Variants in CDC37L1 observed in about 807,000 individuals in gnomAD.
CDC37L1 encodes cell division cycle 37 like 1, HSP90 cochaperone.
A neutral mutation model predicts 45.9 loss-of-function variants in CDC37L1; 32 were observed. The observed-to-expected ratio is 0.70, with a 90% confidence interval of 0.53 to 0.94. The LOEUF is 0.94. Ranked by LOEUF, CDC37L1 falls within the 40% of genes least tolerant of loss-of-function variation. CDC37L1 has a pLI of 0.00. For missense variants in CDC37L1, 434 were observed against 405.7 expected (o/e 1.07, Z -0.60); for synonymous variants, 150 against 133.0 (o/e 1.13, Z -0.88).
intron 3 of CDC37L1, 92 bp from the exon 4 acceptor site, chr9:4,697,004 A>G: frequency 1.6e-6 from 1 of 644,208 alleles, no homozygotes; most frequent in Non-Finnish European, 2.8e-6. Flanking sequence ...AATACCATTG[A>G]GAGATTAATG....
rs539449143 is a variant in CDC37L1, at chr9:4,689,728, G to A, written c.508+1122G>A. On this transcript the variant is annotated intron_variant, in intron 3 of 6. Transcript: ENST00000381854. ...ATAGTAAAATCTTAAAATGAGCAGAGCCTTGAGTCATAAGGATAGAAAGCA... is the reference window on the plus strand; with the variant it reads ...ATAGTAAAATCTTAAAATGAGCAGAACCTTGAGTCATAAGGATAGAAAGCA... Among the ~76,000 whole-genome samples, 4 of 152,302 alleles carry A rather than the reference G, an allele frequency of 2.6e-5. No homozygotes were observed. In the East Asian group the frequency reaches 7.7e-4, roughly 29 times the overall value.
At chr9:4,682,669 C>T (rs1380924185) in intron 1 of CDC37L1, among the ~76,000 whole-genome samples, 3 of 151,454 alleles carry the variant, frequency 2.0e-5, no homozygotes, top group Admixed American at 6.6e-5. Flanking sequence ...AACGGGGTTT[C>T]GCCATGTTGG....
At chr9:4,689,623 G>A (rs545518746) in intron 3 of CDC37L1, among the ~76,000 whole-genome samples, 49 of 151,952 alleles carry the variant, frequency 3.2e-4, no homozygotes, top group Non-Finnish European at 6.3e-4. Context: ...AGGAAATAAA[G>A]ACAAAGTTTT....
At chr9:4,696,282 A>C in intron 3 of CDC37L1, among the ~76,000 whole-genome samples, 1 of 152,188 alleles carries the variant, frequency 6.6e-6, no homozygotes. Context: ...AGCTCTACAA[A>C]ATTTCCATGA....
chr9:4,701,883 T>G lies in CDC37L1; in HGVS notation c.767T>G (p.Phe256Cys). Reference sequence around the variant, plus strand: ...TTCTAGGCAGAGGAAGAAGGTTATTTTGAAGCATTCAAAAATGAACTTGAA... The same window carrying G: ...TTCTAGGCAGAGGAAGAAGGTTATTGTGAAGCATTCAAAAATGAACTTGAA... ...QKAKAEEEGY[F>C]EAFKNELEAF... is the part of the protein sequence containing the mutation. The change falls in exon 6 of 7, where the codon TTT (phenylalanine) becomes TGT (cysteine). Residue 256 changes from phenylalanine (F) to cysteine (C), a missense_variant. Phe to Cys is a radical substitution (Grantham distance 205). Coordinates refer to ENST00000381854, the MANE Select transcript of CDC37L1 (RefSeq NM_017913.4). 5 of 1,603,792 alleles carry G rather than the reference T, an allele frequency of 3.1e-6. No individual in the cohort carries two copies. Among genetic ancestry groups the G allele is most frequent in the Non-Finnish European group, 4.2e-6 (5 of 1,177,028 alleles).
Position 4,708,342 on chromosome 9 carries a change from A to G in CDC37L1, c.*2230A>G, listed in dbSNP as rs781399665. ...ATTTTTTTACATCAAAGTATCATCA[A>G]AGATTCTTGTTTCATTTGATAAAAT... is the stretch of plus-strand genomic sequence containing the variant. On this transcript the variant is annotated 3_prime_UTR_variant, in exon 7 of 7. Transcript: ENST00000381854. 6.6e-6 allele frequency: 1 copy of G among 152,244 alleles called. No homozygotes were observed. The highest frequency in any genetic ancestry group is 1.5e-5 in the Non-Finnish European group (1 of 68,044). The allele number at this position is 152,244 out of a possible 1,614,324, so 9.4% of individuals were successfully genotyped here. A position where few individuals can be genotyped will look rare whatever the true frequency, so the allele number is the denominator to read the frequency against.
At position 4,699,935 on chromosome 9, in the gene CDC37L1, C is replaced by T. The variant is rs991520663; in HGVS notation, c.748-1929C>T. On this transcript the variant is annotated intron_variant, in intron 5 of 6. Coordinates refer to ENST00000381854, the MANE Select transcript of CDC37L1 (RefSeq NM_017913.4). ...GTGTGGTGAAATTATAAATAATTTC[C>T]GTTTTCTTTTTCATGTACTACAATG... 2.6e-5 allele frequency among the ~76,000 whole-genome samples: 4 copies of T among 151,590 alleles called. No homozygotes were observed. The East Asian group carries it at 5.8e-4, about 22-fold the overall frequency.
At chr9:4,687,678 C>CAAAAAAAAAAAAAAAAAAAAAAAAAA in intron 2 of CDC37L1, among the ~76,000 whole-genome samples, 1 of 58,408 alleles carries the variant, frequency 1.7e-5, no homozygotes, top group Non-Finnish European at 3.7e-5. Flanking sequence ...GACCCCATCT[C>CAAAAAAAAAAAAAAAAAAAAAAAAAA]AAAAAAAAAA....
chr9:4,706,847 C>T lies in CDC37L1; in HGVS notation c.*735C>T, dbSNP rs1841447794. ...AGATTTTCTTTTTAAATAAGAATAACTTCAAGCTCACTCTTTCTTAACATA... is the reference window on the plus strand; with the variant it reads ...AGATTTTCTTTTTAAATAAGAATAATTTCAAGCTCACTCTTTCTTAACATA... On this transcript the variant is annotated 3_prime_UTR_variant, in exon 7 of 7. Coordinates refer to ENST00000381854, the MANE Select transcript of CDC37L1 (RefSeq NM_017913.4). 8.2e-6 allele frequency: 1 copy of T among 121,594 alleles called. No homozygotes were observed. Among genetic ancestry groups the T allele is most frequent in the Admixed American group, 8.1e-5 (1 of 12,422 alleles). The allele number at this position is 121,594 out of a possible 1,614,324, so 7.5% of individuals were successfully genotyped here.
intron 2 of CDC37L1, among the ~76,000 whole-genome samples, chr9:4,687,467 CCACGAGTT>C (rs2130845096): frequency 6.6e-6 from 1 of 152,002 alleles, no homozygotes; most frequent in African/African-American, 2.4e-5. Context: ...TTGCTTGAAC[CCACGAGTT>C]CAAGACCAGC....
chr9:4,682,738 G>C (rs897631427), intron 1 of CDC37L1, among the ~76,000 whole-genome samples: 1 of 151,990 alleles, frequency 6.6e-6, no homozygotes, highest in Middle Eastern at 3.2e-3. Context: ...CTCCCAAAGT[G>C]CTGGGATTAC....
intron 5 of CDC37L1, among the ~76,000 whole-genome samples, chr9:4,698,773 G>T (rs551077683): frequency 6.6e-6 from 1 of 152,032 alleles, no homozygotes; most frequent in Non-Finnish European, 1.5e-5. Flanking sequence ...ATAATACCAA[G>T]ATGTTATTTT....
At chr9:4,682,165 T>C (rs1480004155) in intron 1 of CDC37L1, among the ~76,000 whole-genome samples, 1 of 147,304 alleles carries the variant, frequency 6.8e-6, no homozygotes, top group African/African-American at 2.5e-5. Context: ...CTTTCTCTTT[T>C]TTTTTTTTTT....
intron 3 of CDC37L1, among the ~76,000 whole-genome samples, chr9:4,695,565 C>T (rs1259837146): frequency 6.6e-6 from 1 of 152,014 alleles, no homozygotes; most frequent in Non-Finnish European, 1.5e-5. Flanking sequence ...TCCATCATAC[C>T]TTCTGCAGCC....
Position 4,697,971 on chromosome 9 carries a change from G to C in CDC37L1, c.747+92G>C, listed in dbSNP as rs919696123. On this transcript the variant is annotated intron_variant, in intron 5 of 6. Coordinates refer to ENST00000381854, the MANE Select transcript of CDC37L1 (RefSeq NM_017913.4). ...CATATCAATAGAAGGCATCCAAGCA[G>C]GATGCCACAGGCTAAATTCTGTAGA... 9.8e-6 allele frequency: 11 copies of C among 1,116,830 alleles called. No homozygotes were observed. In the East Asian group the frequency reaches 2.4e-4, roughly 25 times the overall value. The allele number at this position is 1,116,830 out of a possible 1,614,324, so 69.2% of individuals were successfully genotyped here. A position where few individuals can be genotyped will look rare whatever the true frequency, so the allele number is the denominator to read the frequency against.
rs567699956 is a variant in CDC37L1, at chr9:4,687,710, A to T, written c.415-803A>T. Among the ~76,000 whole-genome samples, 235 of 150,738 alleles carry T rather than the reference A, an allele frequency of 1.6e-3. 2 individuals carry two copies. Among genetic ancestry groups the T allele is most frequent in the Middle Eastern group, 0.014 (4 of 290 alleles). On this transcript the variant is annotated intron_variant, in intron 2 of 6. Coordinates refer to ENST00000381854, the MANE Select transcript of CDC37L1 (RefSeq NM_017913.4). The stretch of plus-strand genomic sequence containing the variant: ...AAAAAAAAAAAAAAAAAGACACGCA[A>T]CAACAACAGTCTATTTCTTGTTTAT...
intron 5 of CDC37L1, 108 bp from the exon 6 acceptor site, chr9:4,701,756 C>G (rs1841398507): frequency 2.9e-6 from 2 of 695,638 alleles, no homozygotes; most frequent in East Asian, 5.7e-5. Context: ...AGACTATTCA[C>G]CTTGTCATTA....
intron 1 of CDC37L1, among the ~76,000 whole-genome samples, chr9:4,681,316 A>C (rs565054810): frequency 1.3e-5 from 2 of 152,302 alleles, no homozygotes; most frequent in East Asian, 3.9e-4. Context: ...GAGTAAGCTT[A>C]TCTCTCTCAT....
At chr9:4,687,816 G>A (rs569801335) in intron 2 of CDC37L1, among the ~76,000 whole-genome samples, 5 of 151,852 alleles carry the variant, frequency 3.3e-5, no homozygotes, top group East Asian at 3.9e-4. Context: ...GCAAGAACTC[G>A]AAAGATTAGG....
Sources: gnomAD v4.1 joint callset for allele counts (sites outside exome capture counted in the v4.1 genomes callset) on GRCh38, gnomAD v4.1.1 for gene constraint, MANE v1.5 for transcripts, NCBI Gene and HGNC (gene_info 2026-07-23, HGNC 2026-07-21) for gene names.